GABRR2: variants seen among roughly 807,000 people sequenced by gnomAD.
GABRR2 encodes gamma-aminobutyric acid receptor subunit rho-2.
In GABRR2, 36 loss-of-function variants were observed where a neutral mutation model predicts 47.0. The ratio of observed to expected loss-of-function variants is 0.77; its 90% CI spans 0.59 to 1.01. GABRR2 has a LOEUF of 1.01. Among genes scored for constraint, GABRR2 ranks in the 50% least tolerant of loss-of-function variants. The probability of loss-of-function intolerance (pLI) is 0.00; values close to 1 mark genes in which losing one functional copy is unlikely to be tolerated. For synonymous variants in GABRR2, 204 were observed against 227.5 expected, an observed-to-expected ratio of 0.90 and a Z score of 0.93; for missense variants, 587 against 594.6, an observed-to-expected ratio of 0.99 and a Z score of 0.13.
Position 89,269,030 on chromosome 6 carries a change from G to C in GABRR2, c.493C>G (p.His165Asp). 6.2e-7 allele frequency: 1 copy of C among 1,613,860 alleles called. No homozygotes were observed. Among genetic ancestry groups the C allele is most frequent in the Non-Finnish European group, 8.5e-7 (1 of 1,179,726 alleles). Residue 165 changes from histidine (H) to aspartate (D), a missense_variant, in exon 4 of 9, where the codon CAC (histidine) becomes GAC (aspartate). His to Asp is a moderately conservative substitution (Grantham distance 81). Coordinates refer to ENST00000402938, the MANE Select transcript of GABRR2 (RefSeq NM_002043.5). ...AGCTACCTCATGCTGTACAGCACGT[G>C]TCCATCTGGGAACACCCTCAGCATG... ...NIMLRVFPDG[H>D]VLYSMRITVT...
At chr6:89,259,848 T>C (rs1026496277) in intron 8 of GABRR2, among the ~76,000 whole-genome samples, 8 of 151,204 alleles carry the variant, frequency 5.3e-5, no homozygotes, top group Non-Finnish European at 1.5e-5. Flanking sequence ...TATAAGGGAA[T>C]TGGGGATAAA....
intron 1 of GABRR2, 52 bp downstream of exon 1, chr6:89,314,998 ACTG>A: frequency 6.6e-7 from 1 of 1,511,492 alleles, no homozygotes. Context: ...CCACTGTGCC[ACTG>A]CTGCTGCTAC....
At chr6:89,293,963 G>A (rs1774511654) in intron 2 of GABRR2, among the ~76,000 whole-genome samples, 1 of 152,180 alleles carries the variant, frequency 6.6e-6, no homozygotes, top group South Asian at 2.1e-4. Context: ...GAAGCTGACA[G>A]ATTTTTAATC....
chr6:89,310,682 G>A (rs114299449), intron 1 of GABRR2, among the ~76,000 whole-genome samples: 4,155 of 150,556 alleles, frequency 0.028, 67 homozygotes, highest in Middle Eastern at 0.069. Context: ...GGTTTGGGCC[G>A]CACTCAGTTT....
intron 2 of GABRR2, among the ~76,000 whole-genome samples, chr6:89,294,988 G>A (rs1202488652): frequency 1.3e-4 from 20 of 152,148 alleles, no homozygotes; most frequent in African/African-American, 4.6e-4. Flanking sequence ...TTTTATGGCT[G>A]CATTGTATTC....
At chr6:89,307,651 CT>C (rs1299880967) in intron 1 of GABRR2, among the ~76,000 whole-genome samples, 5 of 152,320 alleles carry the variant, frequency 3.3e-5, no homozygotes, top group African/African-American at 1.2e-4. Context: ...AAGTGAGAAA[CT>C]GCTAACTCAC....
At chr6:89,269,359 C>A (rs1021800324) in intron 3 of GABRR2, 125 bp from the exon 4 acceptor site, 2 of 736,576 alleles carry the variant, frequency 2.7e-6, no homozygotes, top group Non-Finnish European at 4.7e-6. Context: ...GGTAACAGTT[C>A]TGCAGCCCTG....
At chr6:89,302,138 C>A (rs975333623) in intron 1 of GABRR2, 3 of 592,784 alleles carry the variant, frequency 5.1e-6, no homozygotes, top group South Asian at 4.9e-5. Context: ...CCTGGATGTG[C>A]GGAAGAAGTG....
chr6:89,284,689 A>T (rs1293143501), intron 2 of GABRR2, among the ~76,000 whole-genome samples: 1 of 152,252 alleles, frequency 6.6e-6, no homozygotes. Flanking sequence ...CCAGAAAGGA[A>T]CATGGCCCTG....
chr6:89,305,844 G>C (rs549456822), intron 1 of GABRR2, among the ~76,000 whole-genome samples: 3 of 151,926 alleles, frequency 2.0e-5, no homozygotes, highest in Non-Finnish European at 2.9e-5. Context: ...AATAACTGTC[G>C]AGTACGGGGC....
chr6:89,300,645 C>A (rs1767402935), intron 1 of GABRR2, among the ~76,000 whole-genome samples: 1 of 151,308 alleles, frequency 6.6e-6, no homozygotes, highest in African/African-American at 2.4e-5. Context: ...CACATACACA[C>A]CCCAAACCAA....
In GABRR2 at chr6:89,296,608, G is replaced by C. The variant is rs547752875; in HGVS notation, c.220+3151C>G. Among the ~76,000 whole-genome samples, 113 of 152,332 alleles carry C rather than the reference G, an allele frequency of 7.4e-4. 2 individuals are homozygous for C. The South Asian group carries it at 0.023, about 31-fold the overall frequency. ...GTCAGAGCCCTCCCCAGGGTCAGAA[G>C]CTTACCCAGGCAGGGGCAGGGAGCA... On this transcript the variant is annotated intron_variant, in intron 2 of 8. Coordinates refer to ENST00000402938, the MANE Select transcript of GABRR2 (RefSeq NM_002043.5).
intron 8 of GABRR2, among the ~76,000 whole-genome samples, chr6:89,263,868 G>GT (rs1044228320): frequency 2.6e-4 from 40 of 151,592 alleles, no homozygotes; most frequent in African/African-American, 8.5e-4. Context: ...CACATAAAAG[G>GT]TTTTTTTTTA....
intron 2 of GABRR2, among the ~76,000 whole-genome samples, chr6:89,288,284 AAGG>A (rs980457498): frequency 1.3e-5 from 2 of 152,014 alleles, no homozygotes; most frequent in Non-Finnish European, 2.9e-5. Flanking sequence ...AGACAAAAAA[AAGG>A]AGGGCTAGAG....
At chr6:89,304,588 C>CAA (rs59138754) in intron 1 of GABRR2, among the ~76,000 whole-genome samples, 1 of 126,724 alleles carries the variant, frequency 7.9e-6, no homozygotes. Flanking sequence ...GACTCCATCT[C>CAA]AAAAAAAAGA....
rs1252989866 is a variant in GABRR2 at position 89,309,771 on chromosome 6, C to CTTA, written c.113+5281_113+5282insTAA. 6.7e-3 allele frequency among the ~76,000 whole-genome samples: 1,016 copies of CTTA among 151,514 alleles called. 14 individuals carry two copies. The highest frequency in any genetic ancestry group is 0.023 in the African/African-American group (953 of 41,184). ...ATTAGCATTAGCACCCATGCTTCTT[C>CTTA]TTCTTCTTATTATTATTATTTTTAG... On this transcript the variant is annotated intron_variant, in intron 1 of 8. Transcript: ENST00000402938.
intron 1 of GABRR2, among the ~76,000 whole-genome samples, chr6:89,314,430 T>C (rs1582470500): frequency 6.6e-6 from 1 of 152,252 alleles, no homozygotes; most frequent in African/African-American, 2.4e-5. Flanking sequence ...TGATTTTGAA[T>C]GCAGATCCTG....
chr6:89,301,905 C>A, intron 1 of GABRR2: 1 of 1,082,564 alleles, frequency 9.2e-7, no homozygotes, highest in Non-Finnish European at 1.4e-6. Context: ...GGAACTCGGA[C>A]TTGGAGCTGG....
At chr6:89,301,569 A>G (rs1366706993) in intron 1 of GABRR2, among the ~76,000 whole-genome samples, 1 of 152,118 alleles carries the variant, frequency 6.6e-6, no homozygotes, top group Non-Finnish European at 1.5e-5. Flanking sequence ...GCATTCCTAT[A>G]TGCCAACAAT....
Sources: gnomAD v4.1 joint callset for allele counts (sites outside exome capture counted in the v4.1 genomes callset) on GRCh38, gnomAD v4.1.1 for gene constraint, MANE v1.5 for transcripts, NCBI Gene and HGNC (gene_info 2026-07-23, HGNC 2026-07-21) for gene names.